CSNK1G3: variants seen among roughly 807,000 people sequenced by gnomAD.
The protein encoded by CSNK1G3 is casein kinase I isoform gamma-3.
Under a neutral mutation model 64.3 loss-of-function variants are expected in CSNK1G3, and 23 were observed. That is an observed-to-expected ratio of 0.36 (90% CI 0.26 to 0.51). The LOEUF is 0.51. Ranked by LOEUF, CSNK1G3 falls within the 20% of genes least tolerant of loss-of-function variation. The pLI, the probability that CSNK1G3 is intolerant of heterozygous loss-of-function variation, is 0.96. For synonymous variants in CSNK1G3, 158 were observed against 162.2 expected (o/e 0.97, Z 0.20); for missense variants, 357 against 510.5 (o/e 0.70, Z 2.90).
intron 10 of CSNK1G3, among the ~76,000 whole-genome samples, chr5:123,604,502 A>G (rs1165477626): frequency 6.6e-6 from 1 of 152,114 alleles, no homozygotes; most frequent in Non-Finnish European, 1.5e-5. Context: ...AAGTAAGTTG[A>G]AAAGCGCATA....
At chr5:123,552,214 G>A (rs1055181657) in intron 2 of CSNK1G3, among the ~76,000 whole-genome samples, 1 of 150,280 alleles carries the variant, frequency 6.7e-6, no homozygotes, top group Non-Finnish European at 1.5e-5. Flanking sequence ...GTGTGATCTC[G>A]GCTCACTGCA....
At chr5:123,560,343 A>G (rs1255654870) in intron 4 of CSNK1G3, among the ~76,000 whole-genome samples, 2 of 152,216 alleles carry the variant, frequency 1.3e-5, no homozygotes, top group Admixed American at 6.5e-5. Context: ...TAGAACTACC[A>G]TTTGATCTAG....
chr5:123,515,648 A>C (rs954724455), intron 1 of CSNK1G3, among the ~76,000 whole-genome samples: 8 of 152,148 alleles, frequency 5.3e-5, no homozygotes, highest in Non-Finnish European at 1.2e-4. Context: ...AGTGCTTAGA[A>C]AAAAAAATCA....
Position 123,557,578 on chromosome 5 carries a change from T to A in CSNK1G3, c.289+14T>A. On this transcript the variant is annotated intron_variant, in intron 4 of 12. Transcript: ENST00000345990. The stretch of plus-strand genomic sequence containing the variant: ...TAGGATCTGGAGGTAAAGTCTTATA[T>A]TAATTTTTAAATTTGAAATAAAGTG... The A allele has an allele frequency of 1.3e-6, 2 of 1,505,144 alleles. No individual in the cohort carries two copies. Among genetic ancestry groups the A allele is most frequent in the Non-Finnish European group, 1.8e-6 (2 of 1,104,588 alleles). 93.2% of individuals were successfully genotyped at this position (1,505,144 alleles called of 1,614,324 possible).
At chr5:123,576,474 T>G (rs1789189362) in intron 6 of CSNK1G3, among the ~76,000 whole-genome samples, 1 of 152,174 alleles carries the variant, frequency 6.6e-6, no homozygotes, top group Admixed American at 6.5e-5. Flanking sequence ...AGGGGTTTCT[T>G]ATTGGTAAAA....
At chr5:123,565,213 C>T (rs9327302) in intron 4 of CSNK1G3, among the ~76,000 whole-genome samples, 148,528 of 152,274 alleles carry the variant, frequency 0.98, 72,441 homozygotes, top group East Asian at 0.99. Flanking sequence ...GCATTTAATA[C>T]ATTGTGATAA....
In CSNK1G3 at chr5:123,575,832, T is replaced by C. The variant is rs865952192; in HGVS notation, c.542T>C (p.Ile181Thr). 1.9e-6 allele frequency: 3 copies of C among 1,613,552 alleles called. No individual in the cohort carries two copies. In the African/African-American group the frequency reaches 4.0e-5, roughly 22 times the overall value. ...CCAGGAAACAAAACCCAGCAAGTTA[T>C]TCACATTATAGATTTTGGTTTGGCA... Residue 181 changes from isoleucine (I) to threonine (T), a missense_variant, in exon 6 of 13, where the codon ATT (isoleucine) becomes ACT (threonine). Physicochemically the swap from Ile to Thr is moderately conservative, Grantham distance 89. This residue lies in a region of CSNK1G3 where 128 missense variants were observed against 250.4 expected (regional missense o/e 0.51). Coordinates refer to ENST00000345990, the Ensembl canonical transcript of CSNK1G3.
At chr5:123,580,314 T>G (rs1164381924) in intron 6 of CSNK1G3, among the ~76,000 whole-genome samples, 1 of 151,968 alleles carries the variant, frequency 6.6e-6, no homozygotes, top group African/African-American at 2.4e-5. Context: ...TTTGTAAGTA[T>G]TTTTCCTTTT....
chr5:123,539,646 T>C (rs1781380818), intron 1 of CSNK1G3, among the ~76,000 whole-genome samples: 1 of 152,182 alleles, frequency 6.6e-6, no homozygotes, highest in Non-Finnish European at 1.5e-5. Context: ...TTTTCTTTGC[T>C]CGAATTGTTT....
At chr5:123,573,936 G>A (rs1788624827) in intron 5 of CSNK1G3, among the ~76,000 whole-genome samples, 1 of 149,426 alleles carries the variant, frequency 6.7e-6, no homozygotes, top group Non-Finnish European at 1.5e-5. Context: ...TGCAACCTCT[G>A]CCTCCCGGGT....
chr5:123,516,139 T>A (rs1777129952), intron 1 of CSNK1G3, among the ~76,000 whole-genome samples: 1 of 152,158 alleles, frequency 6.6e-6, no homozygotes, highest in South Asian at 2.1e-4. Flanking sequence ...TGTTGGTTCT[T>A]TATGATGTAA....
chr5:123,614,611 C>G (rs1749141264), exon 13 of CSNK1G3: 1 of 434,818 alleles, frequency 2.3e-6, no homozygotes, highest in East Asian at 4.0e-5. Context: ...AAAGTTTTGT[C>G]AAAACATGAG....
exon 13 of CSNK1G3, chr5:123,614,527 T>A: frequency 1.5e-6 from 1 of 682,476 alleles, no homozygotes; most frequent in Non-Finnish European, 2.3e-6. Flanking sequence ...CATACTTTCA[T>A]ACTTCATTTT....
At chr5:123,512,613 CCGGCGGCTGCCTCGGCG>C (rs1203514889) in intron 1 of CSNK1G3, 43 bp downstream of exon 1, 2 of 149,998 alleles carry the variant, frequency 1.3e-5, no homozygotes, top group Non-Finnish European at 3.0e-5. Context: ...CAGCCCCGGC[CCGGCGGCTGCCTCGGCG>C]CGGCCGCGGC....
At chr5:123,514,627 G>A (rs9327298) in intron 1 of CSNK1G3, among the ~76,000 whole-genome samples, 34,173 of 151,796 alleles carry the variant, frequency 0.23, 4,046 homozygotes, top group Middle Eastern at 0.28. Flanking sequence ...ACTAATTTTT[G>A]ACTGGGAAAT....
chr5:123,574,924 A>G (rs1196830783), intron 5 of CSNK1G3, among the ~76,000 whole-genome samples: 2 of 152,206 alleles, frequency 1.3e-5, no homozygotes, highest in Non-Finnish European at 2.9e-5. Flanking sequence ...AATTAAGAAT[A>G]TATAGACATA....
chr5:123,579,083 C>T (rs1047874862), intron 6 of CSNK1G3, among the ~76,000 whole-genome samples: 9 of 151,774 alleles, frequency 5.9e-5, no homozygotes, highest in African/African-American at 1.2e-4. Context: ...TCTTGGAGGT[C>T]GTCTAATCCA....
intron 5 of CSNK1G3, 56 bp downstream of exon 5, chr5:123,573,597 A>G: frequency 6.9e-7 from 1 of 1,453,780 alleles, no homozygotes; most frequent in Non-Finnish European, 9.3e-7. Context: ...TGTTGGTCAC[A>G]AATTCATATT....
In CSNK1G3 at chr5:123,540,601, T is replaced by C. The variant is rs371670599; in HGVS notation, c.-247-4816T>C. Among the ~76,000 whole-genome samples, 152 of 152,254 alleles carry C rather than the reference T, an allele frequency of 1.0e-3. 2 individuals are homozygous for C. In the South Asian group the frequency reaches 0.031, roughly 31 times the overall value. On this transcript the variant is annotated intron_variant, in intron 1 of 12. Transcript: ENST00000345990. ...TAATTTTCAAATTTTGGGACTCTTC[T>C]AGATGCTATACAGCTGTCGATTTCT...
Sources: allele counts gnomAD v4.1 joint callset (sites outside exome capture counted in the v4.1 genomes callset), GRCh38; gene constraint gnomAD v4.1.1; regional missense constraint gnomAD v4.1.1; transcripts MANE v1.5; gene names NCBI Gene and HGNC (gene_info 2026-07-23, HGNC 2026-07-21).